CLTB: variants seen among roughly 807,000 people sequenced by gnomAD.
CLTB encodes clathrin, light chain (Lcb).
Under a neutral mutation model 30.5 loss-of-function variants are expected in CLTB, and 10 were observed. That is an observed-to-expected ratio of 0.33 (90% CI 0.20 to 0.56). The LOEUF is 0.56. Ranked by LOEUF, CLTB falls within the 20% of genes least tolerant of loss-of-function variation. The probability of loss-of-function intolerance (pLI) is 0.91; values close to 1 mark genes in which losing one functional copy is unlikely to be tolerated. For missense variants in CLTB, 261 were observed against 308.3 expected, an observed-to-expected ratio of 0.85 and a Z score of 1.15; for synonymous variants, 102 against 120.3, an observed-to-expected ratio of 0.85 and a Z score of 1.00.
Position 176,396,475 on chromosome 5 carries a change from G to C in CLTB, c.518+4C>G, listed in dbSNP as rs373717718. 1 of 1,613,038 alleles carries C rather than the reference G, an allele frequency of 6.2e-7. No individual in the cohort carries two copies. On this transcript the variant is annotated splice_donor_region_variant and intron_variant, in intron 5 of 5. Transcript: ENST00000310418. ...CCCAACAGAGAAGCAAAACAGACAC[G>C]TACACGTAGCCGATGATATCAGCAT...
chr5:176,393,049 C>T lies in CLTB; in HGVS notation c.519-104G>A. On this transcript the variant is annotated intron_variant, in intron 5 of 5. Transcript: ENST00000310418. This position sits in a 1 kb window ranked among gnomAD's most constrained non-coding sequence, Gnocchi z 4.4. Reference sequence around the variant, plus strand: ...AGCCTACTCTGGGGCACTGTGTCCTCCCCAGCCTTGTGCCCCCCTGACTTC... The same window carrying T: ...AGCCTACTCTGGGGCACTGTGTCCTTCCCAGCCTTGTGCCCCCCTGACTTC... 3 of 1,300,612 alleles carry T rather than the reference C, an allele frequency of 2.3e-6. No individual in the cohort carries two copies. Among genetic ancestry groups the T allele is most frequent in the Non-Finnish European group, 3.3e-6 (3 of 914,412 alleles). 80.6% of individuals were successfully genotyped at this position (1,300,612 alleles called of 1,614,324 possible).
chr5:176,394,685 G>A (rs180807336), intron 5 of CLTB, among the ~76,000 whole-genome samples: 4 of 152,180 alleles, frequency 2.6e-5, no homozygotes, highest in Admixed American at 2.6e-4. Context: ...CATGGTGGCG[G>A]GCACCTGTAG....
In CLTB at chr5:176,411,912, T is replaced by C. The variant is rs141298624; in HGVS notation, c.188-1609A>G. Among the ~76,000 whole-genome samples the C allele has an allele frequency of 8.4e-3, 1,272 of 152,054 alleles. 9 individuals carry two copies. The highest frequency in any genetic ancestry group is 0.024 in the African/African-American group (977 of 41,478). ...CTTTTTTGGGCCGGGCGTGGTGGCT[T>C]ATGCCTGTAATCCCAGCACTTTGGG... is the stretch of plus-strand genomic sequence containing the variant. On this transcript the variant is annotated intron_variant, in intron 1 of 5. Coordinates refer to ENST00000310418, the MANE Select transcript of CLTB (RefSeq NM_007097.5).
intron 4 of CLTB, 28 bp downstream of exon 4, chr5:176,397,579 C>A (rs760652020): frequency 1.8e-6 from 2 of 1,140,344 alleles, no homozygotes; most frequent in South Asian, 1.2e-5. Context: ...GTCCCCATGG[C>A]CCCCTCATGT....
At chr5:176,399,813 G>A (rs1278119183) in intron 2 of CLTB, among the ~76,000 whole-genome samples, 3 of 151,498 alleles carry the variant, frequency 2.0e-5, no homozygotes, top group Non-Finnish European at 4.4e-5. Flanking sequence ...GGGAGGCGAA[G>A]ATTGCAGTGA....
At chr5:176,402,993 G>C (rs1328375576) in intron 2 of CLTB, among the ~76,000 whole-genome samples, 1 of 152,084 alleles carries the variant, frequency 6.6e-6, no homozygotes, top group East Asian at 1.9e-4. Context: ...CCCTGAACAG[G>C]AGTCTCTTTT....
intron 2 of CLTB, among the ~76,000 whole-genome samples, chr5:176,404,531 G>C (rs1182201344): frequency 6.6e-6 from 1 of 152,226 alleles, no homozygotes; most frequent in African/African-American, 2.4e-5. Context: ...CAGGTCTTCT[G>C]ACTCCATCTA....
chr5:176,399,792 C>T lies in CLTB; in HGVS notation c.235-1745G>A, dbSNP rs1581430143. On this transcript the variant is annotated intron_variant, in intron 2 of 5. Transcript: ENST00000310418. ...TTAGGAGTCTGGGACTTGGGAGAAT[C>T]GCTTGAGCCTGGGAGGCGAAGATTG... is the stretch of plus-strand genomic sequence containing the variant. Among the ~76,000 whole-genome samples the T allele has an allele frequency of 3.3e-5, 5 of 151,460 alleles. No individual in the cohort carries two copies. In the South Asian group the frequency reaches 8.4e-4, roughly 25 times the overall value.
Position 176,416,226 on chromosome 5 carries a change from T to C in CLTB, c.138A>G (p.Ala46=), listed in dbSNP as rs746361505. Residue 46 remains alanine, a synonymous_variant, in exon 1 of 6, where the codon GCA becomes GCG. Transcript: ENST00000310418. ...AGIENDEGFG[A]PAGSHAAPAQ... ...CGGGGGCCGCATGGCTGCCGGCAGG[T>C]GCCCCGAAGCCCTCGTCGTTCTCTA... 6.3e-7 allele frequency: 1 copy of C among 1,596,820 alleles called. No homozygotes were observed. Among genetic ancestry groups the C allele is most frequent in the African/African-American group, 1.4e-5 (1 of 72,346 alleles).
intron 1 of CLTB, among the ~76,000 whole-genome samples, chr5:176,413,020 C>G (rs555532850): frequency 6.6e-6 from 1 of 152,272 alleles, no homozygotes; most frequent in East Asian, 1.9e-4. Flanking sequence ...TGGGGTCTAC[C>G]CTGACCTTCA....
In CLTB at chr5:176,397,687, C is replaced by T. The variant is rs2113635692; in HGVS notation, c.384G>A (p.Trp128Ter). 6.2e-7 allele frequency: 1 copy of T among 1,613,934 alleles called. No homozygotes were observed. The highest frequency in any genetic ancestry group is 8.5e-7 in the Non-Finnish European group (1 of 1,179,978). Residue 128 changes from tryptophan to a stop codon, truncating the protein, a stop_gained, in exon 4 of 6, where the codon TGG (tryptophan) becomes TGA (stop). Transcript: ENST00000310418. LOFTEE classifies it high-confidence loss of function. ...DAASKVTEQE[W>*]REKAKKDLEE... ...CCAGGTCCTTCTTGGCCTTCTCCCG[C>T]CATTCCTGTTCCGTGACCTTAGATG... is the stretch of plus-strand genomic sequence containing the variant.
At chr5:176,399,587 A>G (rs954594037) in intron 2 of CLTB, among the ~76,000 whole-genome samples, 8 of 151,892 alleles carry the variant, frequency 5.3e-5, no homozygotes, top group African/African-American at 1.9e-4. Flanking sequence ...ATTTTCAAAA[A>G]AGTTTTTTTA....
At chr5:176,397,850 TC>T (rs1200481432) in intron 3 of CLTB, 79 bp downstream of exon 3, 5 of 1,448,446 alleles carry the variant, frequency 3.5e-6, no homozygotes, top group Non-Finnish European at 4.8e-6. Context: ...GCATGCAGCA[TC>T]CCATGCACTC....
intron 2 of CLTB, among the ~76,000 whole-genome samples, chr5:176,399,001 C>G (rs901557073): frequency 6.6e-5 from 10 of 151,900 alleles, no homozygotes; most frequent in Middle Eastern, 3.2e-3. Context: ...CGTCACGACA[C>G]CCGGCTAATT....
intron 2 of CLTB, among the ~76,000 whole-genome samples, chr5:176,403,921 C>T (rs1561796326): frequency 6.6e-6 from 1 of 151,288 alleles, no homozygotes; most frequent in African/African-American, 2.4e-5. Flanking sequence ...CCACCACACC[C>T]GACTAATGTT....
intron 3 of CLTB, 74 bp from the exon 4 acceptor site, chr5:176,397,792 C>T (rs1581427197): frequency 2.0e-6 from 3 of 1,533,848 alleles, no homozygotes; most frequent in Non-Finnish European, 2.7e-6. Context: ...CCTCCCCTGG[C>T]CCCTGCCAGG....
chr5:176,393,050 C>T lies in CLTB; in HGVS notation c.519-105G>A. 1 of 1,292,700 alleles carries T rather than the reference C, an allele frequency of 7.7e-7. No homozygotes were observed. The allele number at this position is 1,292,700 out of a possible 1,614,324, so 80.1% of individuals were successfully genotyped here. A position where few individuals can be genotyped will look rare whatever the true frequency, so the allele number is the denominator to read the frequency against. ...GCCTACTCTGGGGCACTGTGTCCTC[C>T]CCAGCCTTGTGCCCCCCTGACTTCA... On this transcript the variant is annotated intron_variant, in intron 5 of 5. Transcript: ENST00000310418. This position sits in a 1 kb window ranked among gnomAD's most constrained non-coding sequence, Gnocchi z 4.4.
At chr5:176,414,490 G>A (rs1031623044) in intron 1 of CLTB, among the ~76,000 whole-genome samples, 1 of 147,408 alleles carries the variant, frequency 6.8e-6, no homozygotes, top group Non-Finnish European at 1.5e-5. Context: ...GGAGTACAGA[G>A]ACGTGATCAC....
chr5:176,406,676 G>T (rs1179971364), intron 2 of CLTB: 1 of 1,288,852 alleles, frequency 7.8e-7, no homozygotes, highest in Non-Finnish European at 1.0e-6. Context: ...TTGGCAACTG[G>T]GTTTGTAGCT....
Sources: allele counts gnomAD v4.1 joint callset (sites outside exome capture counted in the v4.1 genomes callset), GRCh38; gene constraint gnomAD v4.1.1; non-coding constraint Gnocchi (gnomAD v3.1); transcripts MANE v1.5; gene names NCBI Gene and HGNC (gene_info 2026-07-23, HGNC 2026-07-21).